EXOC6B: variants seen among roughly 807,000 people sequenced by gnomAD.
EXOC6B encodes the protein exocyst complex component 6B, also known as SEC15 homolog B.
A neutral mutation model predicts 113.5 loss-of-function variants in EXOC6B; 54 were observed. The ratio of observed to expected loss-of-function variants is 0.48; its 90% CI spans 0.38 to 0.60. The LOEUF (loss-of-function observed/expected upper bound fraction) is 0.60. Ranked by LOEUF, EXOC6B falls within the 20% of genes least tolerant of loss-of-function variation. The pLI is 0.00. For missense variants in EXOC6B, 797 were observed against 977.5 expected, an observed-to-expected ratio of 0.82 and a Z score of 2.46; for synonymous variants, 357 against 339.0, an observed-to-expected ratio of 1.05 and a Z score of -0.58.
intron 7 of EXOC6B, among the ~76,000 whole-genome samples, chr2:72,560,700 A>G (rs1326934115): frequency 6.6e-6 from 1 of 152,138 alleles, no homozygotes; most frequent in Non-Finnish European, 1.5e-5. Context: ...CGCACCCATG[A>G]GAGCAAAGAT....
At chr2:72,676,120 C>T (rs1676285177) in intron 6 of EXOC6B, among the ~76,000 whole-genome samples, 1 of 142,948 alleles carries the variant, frequency 7.0e-6, no homozygotes, top group Non-Finnish European at 1.5e-5. Flanking sequence ...ACAATTCATT[C>T]TAGTTTAAAA....
At chr2:72,590,120 G>A (rs891788566) in intron 6 of EXOC6B, among the ~76,000 whole-genome samples, 87 of 152,046 alleles carry the variant, frequency 5.7e-4, no homozygotes, top group African/African-American at 2.0e-3. Context: ...TGGTAATGTT[G>A]TGGATAGAAG....
chr2:72,237,606 G>T (rs1447292682), intron 20 of EXOC6B, among the ~76,000 whole-genome samples: 1 of 152,176 alleles, frequency 6.6e-6, no homozygotes, highest in African/African-American at 2.4e-5. Flanking sequence ...ATTTAAATGT[G>T]TTACAGAGTC....
chr2:72,291,533 C>T (rs978002898), intron 20 of EXOC6B, among the ~76,000 whole-genome samples: 2 of 152,188 alleles, frequency 1.3e-5, no homozygotes, highest in Non-Finnish European at 2.9e-5. Context: ...ATAAACAAAA[C>T]TTCAGTGACA....
chr2:72,599,116 C>T (rs1670240828), intron 6 of EXOC6B, among the ~76,000 whole-genome samples: 1 of 151,998 alleles, frequency 6.6e-6, no homozygotes. Flanking sequence ...AGGAAAAGTA[C>T]AGGTCAATAT....
At chr2:72,782,783 T>A (rs976470238) in intron 1 of EXOC6B, among the ~76,000 whole-genome samples, 8 of 152,202 alleles carry the variant, frequency 5.3e-5, no homozygotes, top group Non-Finnish European at 1.2e-4. Flanking sequence ...GGTATTTTTC[T>A]TTCTGGGCCT....
chr2:72,200,304 A>G (rs1281662001), intron 20 of EXOC6B, among the ~76,000 whole-genome samples: 1 of 152,230 alleles, frequency 6.6e-6, no homozygotes, highest in East Asian at 1.9e-4. Context: ...ACTCACATTT[A>G]CTGATGACCA....
chr2:72,320,388 T>G (rs1158058422), intron 20 of EXOC6B, among the ~76,000 whole-genome samples: 1 of 151,930 alleles, frequency 6.6e-6, no homozygotes, highest in Non-Finnish European at 1.5e-5. Flanking sequence ...ACAGGTCAAT[T>G]GAACATAATA....
chr2:72,332,459 C>T (rs1048183495), intron 20 of EXOC6B, among the ~76,000 whole-genome samples: 1 of 151,950 alleles, frequency 6.6e-6, no homozygotes, highest in Non-Finnish European at 1.5e-5. Flanking sequence ...AAATAGGAAG[C>T]TCAATAAATG....
At chr2:72,310,947 A>G (rs1267026382) in intron 20 of EXOC6B, among the ~76,000 whole-genome samples, 1 of 152,038 alleles carries the variant, frequency 6.6e-6, no homozygotes, top group Non-Finnish European at 1.5e-5. Context: ...AAACTCAAAA[A>G]GGTATTTTCT....
chr2:72,683,615 T>C (rs180784322), intron 6 of EXOC6B, among the ~76,000 whole-genome samples: 23 of 152,300 alleles, frequency 1.5e-4, no homozygotes, highest in Non-Finnish European at 3.2e-4. Flanking sequence ...GATGCTTACA[T>C]TCCTGTTCAT....
intron 20 of EXOC6B, among the ~76,000 whole-genome samples, chr2:72,227,826 A>G (rs992866538): frequency 3.3e-5 from 5 of 152,258 alleles, no homozygotes; most frequent in African/African-American, 1.2e-4. Flanking sequence ...TTATAATTTT[A>G]CTCAACTTAG....
At chr2:72,380,383 T>C (rs2105065651) in intron 18 of EXOC6B, among the ~76,000 whole-genome samples, 1 of 152,268 alleles carries the variant, frequency 6.6e-6, no homozygotes, top group African/African-American at 2.4e-5. Context: ...CTCACGCCTG[T>C]AATACCAGCA....
chr2:72,369,037 T>A (rs1484952559), intron 19 of EXOC6B, among the ~76,000 whole-genome samples: 1 of 152,042 alleles, frequency 6.6e-6, no homozygotes. Context: ...GGAGAATGAA[T>A]TAAAGGGTAT....
chr2:72,299,348 T>G (rs1283508276), intron 20 of EXOC6B, among the ~76,000 whole-genome samples: 2 of 151,906 alleles, frequency 1.3e-5, no homozygotes, highest in Non-Finnish European at 2.9e-5. Context: ...TTCATTTATG[T>G]TCTTCTCTAA....
chr2:72,342,997 G>A (rs1689122830), intron 19 of EXOC6B, among the ~76,000 whole-genome samples: 1 of 152,106 alleles, frequency 6.6e-6, no homozygotes, highest in African/African-American at 2.4e-5. Flanking sequence ...ACTGGTCAAT[G>A]GAGAAAGAAA....
At chr2:72,759,998 T>G (rs1008473189) in intron 1 of EXOC6B, among the ~76,000 whole-genome samples, 1 of 152,154 alleles carries the variant, frequency 6.6e-6, no homozygotes, top group Non-Finnish European at 1.5e-5. Flanking sequence ...GGAAGGACAG[T>G]TGATTCACAC....
At chr2:72,650,640 GA>G (rs1281934029) in intron 6 of EXOC6B, among the ~76,000 whole-genome samples, 2 of 150,318 alleles carry the variant, frequency 1.3e-5, no homozygotes, top group East Asian at 2.0e-4. Context: ...AAAGAGAAAA[GA>G]AAAAAGAAAA....
intron 20 of EXOC6B, among the ~76,000 whole-genome samples, chr2:72,300,070 C>T (rs1046919405): frequency 6.6e-6 from 1 of 152,218 alleles, no homozygotes; most frequent in East Asian, 1.9e-4. Context: ...ATCTGCTGCT[C>T]TCTTCAGAGC....
Sources: gnomAD v4.1 joint callset for allele counts (sites outside exome capture counted in the v4.1 genomes callset) on GRCh38, gnomAD v4.1.1 for gene constraint, MANE v1.5 for transcripts, NCBI Gene and HGNC (gene_info 2026-07-23, HGNC 2026-07-21) for gene names.